Variants in WNT9A observed in about 807,000 individuals in gnomAD.
WNT9A encodes the protein Wnt family member 9A, also known as protein Wnt-9a.
A neutral mutation model predicts 31.4 loss-of-function variants in WNT9A; 8 were observed. The observed-to-expected ratio is 0.26, with a 90% CI of 0.15 to 0.46. WNT9A has a LOEUF of 0.46. Among genes scored for constraint, WNT9A ranks in the 20% least tolerant of loss-of-function variants. The pLI is 0.99. For synonymous variants in WNT9A, 236 were observed against 220.1 expected, an observed-to-expected ratio of 1.07 and a Z score of -0.64; for missense variants, 457 against 522.9, an observed-to-expected ratio of 0.87 and a Z score of 1.23.
intron 1 of WNT9A, among the ~76,000 whole-genome samples, chr1:227,931,799 G>T (rs1666515997): frequency 6.6e-6 from 1 of 152,154 alleles, no homozygotes; most frequent in Non-Finnish European, 1.5e-5. Flanking sequence ...TTTTCGCTGG[G>T]GGAGGGTCTT....
In WNT9A at chr1:227,925,395, G is replaced by A. The variant is rs186104068; in HGVS notation, c.220C>T (p.Arg74Trp). 6.8e-6 allele frequency: 11 copies of A among 1,610,026 alleles called. No individual in the cohort carries two copies. The highest frequency in any genetic ancestry group is 9.3e-6 in the Non-Finnish European group (11 of 1,179,246). Residue 74 changes from arginine to tryptophan, a missense_variant, in exon 2 of 4, where the codon CGG becomes TGG. Physicochemically the swap from Arg to Trp is moderately radical, Grantham distance 101 (BLOSUM62 -3). Coordinates refer to ENST00000272164, the MANE Select transcript of WNT9A (RefSeq NM_003395.4). The surrounding 1 kb of genome is among the most constrained non-coding windows in gnomAD (Gnocchi z 6.0). ...LERKQRRMCRRDPGVAETLVE... is the reference protein window; with the variant it reads ...LERKQRRMCRWDPGVAETLVE... ...AGCGTCTCTGCCACGCCCGGGTCCC[G>A]GCGGCACATGCGCCGCTGCTTCCGC...
chr1:227,929,978 G>T (rs991695586), intron 1 of WNT9A, among the ~76,000 whole-genome samples: 7 of 152,178 alleles, frequency 4.6e-5, no homozygotes, highest in African/African-American at 1.7e-4. Flanking sequence ...ATACTTCTGT[G>T]TTTTATAAGC....
chr1:227,932,640 A>G (rs1400771773), intron 1 of WNT9A, among the ~76,000 whole-genome samples: 1 of 152,176 alleles, frequency 6.6e-6, no homozygotes, highest in Non-Finnish European at 1.5e-5. Context: ...AAATGTCTTA[A>G]ATAGTAAGAC....
intron 1 of WNT9A, among the ~76,000 whole-genome samples, chr1:227,937,778 A>T (rs1186997688): frequency 2.6e-5 from 4 of 152,370 alleles, no homozygotes; most frequent in African/African-American, 9.6e-5. Context: ...GACCTGAGAC[A>T]GAAGTCCTGT....
Position 227,928,052 on chromosome 1 carries a change from C to T in WNT9A, c.96-2533G>A, listed in dbSNP as rs1184900250. Among the ~76,000 whole-genome samples the T allele has an allele frequency of 6.6e-6, 1 of 152,102 alleles. No individual in the cohort carries two copies. Among genetic ancestry groups the T allele is most frequent in the Admixed American group, 6.5e-5 (1 of 15,280 alleles). On this transcript the variant is annotated intron_variant, in intron 1 of 3. Coordinates refer to ENST00000272164, the MANE Select transcript of WNT9A (RefSeq NM_003395.4). The surrounding 1 kb of genome is among the most constrained non-coding windows in gnomAD (Gnocchi z 4.5). ...ACCCCTCCCTCCCTGTCAAGGATATCAGCCTGCCCTGCCCTCTCCCTGTGA... is the reference window on the plus strand; with the variant it reads ...ACCCCTCCCTCCCTGTCAAGGATATTAGCCTGCCCTGCCCTCTCCCTGTGA...
chr1:227,946,158 G>A (rs1181120833), intron 1 of WNT9A, among the ~76,000 whole-genome samples: 1 of 152,222 alleles, frequency 6.6e-6, no homozygotes. Flanking sequence ...CTATGCGCCT[G>A]GCACCAGCCT....
intron 3 of WNT9A, 29 bp downstream of exon 3, chr1:227,924,109 T>TACCCC: frequency 1.5e-5 from 17 of 1,105,418 alleles, no homozygotes; most frequent in South Asian, 2.0e-5. Context: ...GACCCTCCCT[T>TACCCC]CCCACCCCGC....
At chr1:227,944,987 C>T (rs991276359) in intron 1 of WNT9A, among the ~76,000 whole-genome samples, 3 of 152,186 alleles carry the variant, frequency 2.0e-5, no homozygotes, top group African/African-American at 4.8e-5. Flanking sequence ...GTCCAAGCCC[C>T]GCTGGGCAGG....
intron 3 of WNT9A, among the ~76,000 whole-genome samples, chr1:227,922,520 G>A (rs565075304): frequency 1.8e-4 from 27 of 152,348 alleles, no homozygotes; most frequent in East Asian, 5.8e-4. Context: ...CCAACCCACC[G>A]GTGCTGAGGG....
At chr1:227,935,953 T>C (rs977523642) in intron 1 of WNT9A, among the ~76,000 whole-genome samples, 1 of 152,224 alleles carries the variant, frequency 6.6e-6, no homozygotes, top group Admixed American at 6.5e-5. Context: ...GCTAATTGCA[T>C]GTTTTACCTC....
rs147009061 is a variant in WNT9A, at chr1:227,929,006, CGT to C, written c.96-3489_96-3488del. Among the ~76,000 whole-genome samples, 144 of 152,078 alleles carry C rather than the reference CGT, an allele frequency of 9.5e-4. 1 individual carries two copies. Among genetic ancestry groups the C allele is most frequent in the African/African-American group, 3.3e-3 (138 of 41,514 alleles). On this transcript the variant is annotated intron_variant, in intron 1 of 3. Transcript: ENST00000272164. ...CCAGACCAGGGGCCGGCGCTGTGCA[CGT>C]GTGTGTGTGTGTCTGGATGCATATC... is the stretch of plus-strand genomic sequence containing the variant.
intron 1 of WNT9A, among the ~76,000 whole-genome samples, chr1:227,933,163 T>C (rs753630069): frequency 1.4e-4 from 21 of 152,366 alleles, no homozygotes; most frequent in Admixed American, 5.2e-4. Flanking sequence ...CCCTTCATCA[T>C]TGATCTTAGC....
rs1035441195 is a variant in WNT9A, at chr1:227,937,427, C to T, written c.95+10366G>A. On this transcript the variant is annotated intron_variant, in intron 1 of 3. Transcript: ENST00000272164. ...ACAGTAGGTGGAATGGTGTCCCCCA[C>T]CAAATGCGTCTAACGCAACCTCAGT... Among the ~76,000 whole-genome samples the T allele has an allele frequency of 2.9e-4, 44 of 152,246 alleles. 1 individual carries two copies. The highest frequency in any genetic ancestry group is 2.2e-3 in the Admixed American group (34 of 15,286).
At chr1:227,923,780 G>C (rs1041891564) in intron 3 of WNT9A, among the ~76,000 whole-genome samples, 11 of 152,094 alleles carry the variant, frequency 7.2e-5, no homozygotes, top group African/African-American at 2.7e-4. Context: ...CTGGCTGACA[G>C]GTGGGGCCCA....
chr1:227,932,907 G>C (rs1666536469), intron 1 of WNT9A, among the ~76,000 whole-genome samples: 1 of 152,194 alleles, frequency 6.6e-6, no homozygotes, highest in Admixed American at 6.5e-5. Flanking sequence ...TCCATTTCTA[G>C]AGCACAGGCA....
chr1:227,927,928 G>C (rs1173988251), intron 1 of WNT9A, among the ~76,000 whole-genome samples: 2 of 151,848 alleles, frequency 1.3e-5, no homozygotes, highest in Admixed American at 1.3e-4. Flanking sequence ...GGGAAAAGGG[G>C]AGAGGAGGAG....
chr1:227,938,788 T>C (rs778540902), intron 1 of WNT9A, among the ~76,000 whole-genome samples: 2 of 152,212 alleles, frequency 1.3e-5, no homozygotes, highest in Non-Finnish European at 2.9e-5. Flanking sequence ...TGCTCTCCAG[T>C]GTCTCATGTC....
At chr1:227,937,133 C>G (rs900575599) in intron 1 of WNT9A, among the ~76,000 whole-genome samples, 1 of 152,236 alleles carries the variant, frequency 6.6e-6, no homozygotes, top group African/African-American at 2.4e-5. Flanking sequence ...TTTTCTCCCC[C>G]TCTAGCTCTA....
intron 1 of WNT9A, among the ~76,000 whole-genome samples, chr1:227,932,888 C>T (rs1419994904): frequency 1.3e-5 from 2 of 152,176 alleles, no homozygotes; most frequent in South Asian, 2.1e-4. Context: ...GTCATCGAGG[C>T]TTTGTTATTC....
Sources: allele counts gnomAD v4.1 joint callset (sites outside exome capture counted in the v4.1 genomes callset), GRCh38; gene constraint gnomAD v4.1.1; non-coding constraint Gnocchi (gnomAD v3.1); transcripts MANE v1.5; gene names NCBI Gene and HGNC (gene_info 2026-07-23, HGNC 2026-07-21).